ERICH5: variants seen among roughly 807,000 people sequenced by gnomAD.
The protein encoded by ERICH5 is glutamate rich 5.
ERICH5 carries 24 observed loss-of-function variants against 28.0 expected under a neutral mutation model. The observed-to-expected ratio is 0.86, with a 90% CI of 0.62 to 1.21. The LOEUF (loss-of-function observed/expected upper bound fraction) is 1.21, where lower values mean the gene tolerates loss of function less well. ERICH5 is among the 50% of genes most tolerant of loss of function. The pLI, the probability that ERICH5 is intolerant of heterozygous loss-of-function variation, is 0.00. For synonymous variants in ERICH5, 163 were observed against 157.6 expected (o/e 1.03, Z -0.25); for missense variants, 421 against 441.2 (o/e 0.95, Z 0.41).
In ERICH5 at chr8:98,090,013, G is replaced by C; in HGVS notation, c.996G>C (p.Glu332Asp). 6.2e-7 allele frequency: 1 copy of C among 1,609,932 alleles called. No homozygotes were observed. The highest frequency in any genetic ancestry group is 8.5e-7 in the Non-Finnish European group (1 of 1,177,744). The part of the protein sequence containing the change: ...EMIRNIHTNE[E>D]DQRIEGETGE... ...TCAGGAACATCCATACTAATGAAGAGGACCAACGCATTGAAGGTAAAAGTT... is the reference window on the plus strand; with the variant it reads ...TCAGGAACATCCATACTAATGAAGACGACCAACGCATTGAAGGTAAAAGTT... Residue 332 changes from glutamate to aspartate, a missense_variant, in exon 2 of 3, where the codon GAG (glutamate) becomes GAC (aspartate). Coordinates refer to ENST00000318528, the MANE Select transcript of ERICH5 (RefSeq NM_173549.3).
At chr8:98,069,391 T>A (rs867524884) in intron 1 of ERICH5, among the ~76,000 whole-genome samples, 2,316 of 151,454 alleles carry the variant, frequency 0.015, 61 homozygotes, top group African/African-American at 0.052. Flanking sequence ...GTTTTTTTTT[T>A]TATATATTCT....
intron 1 of ERICH5, among the ~76,000 whole-genome samples, chr8:98,071,669 A>C (rs1814921851): frequency 1.3e-5 from 2 of 151,538 alleles, no homozygotes; most frequent in African/African-American, 2.4e-5. Flanking sequence ...GCAAAGTGCC[A>C]GACTATAGCT....
chr8:98,073,916 T>C (rs1814999241), intron 1 of ERICH5, among the ~76,000 whole-genome samples: 1 of 32,096 alleles, frequency 3.1e-5, no homozygotes. Context: ...TTTTTCTCTC[T>C]TTTTCTTTTT....
chr8:98,091,006 C>T (rs1815373962), intron 2 of ERICH5, among the ~76,000 whole-genome samples: 1 of 152,006 alleles, frequency 6.6e-6, no homozygotes, highest in East Asian at 1.9e-4. Context: ...GAAGTGATCT[C>T]GGCTCACTGC....
At chr8:98,092,376 C>T (rs981772267) in intron 2 of ERICH5, among the ~76,000 whole-genome samples, 5 of 152,088 alleles carry the variant, frequency 3.3e-5, no homozygotes, top group African/African-American at 9.7e-5. Flanking sequence ...TTGGCCAGGC[C>T]GGTCTCAGAC....
intron 1 of ERICH5, among the ~76,000 whole-genome samples, chr8:98,071,204 G>A (rs188311936): frequency 3.9e-5 from 6 of 152,148 alleles, no homozygotes; most frequent in African/African-American, 1.4e-4. Context: ...TTGAACCTGG[G>A]AGGTGGAGGT....
rs11994440 is a variant in ERICH5, at chr8:98,089,877, A to G, written c.860A>G (p.His287Arg). 4.8e-3 allele frequency: 7,716 copies of G among 1,614,204 alleles called. 320 individuals are homozygous for G. In the African/African-American group the frequency reaches 0.091, roughly 19 times the overall value. ...VEKPVMNDPF[H>R]KTPEGPGNME... ...AAGCCTGTTATGAATGATCCATTCC[A>G]TAAAACTCCTGAAGGTCCAGGAAAC... The change falls in exon 2 of 3, where the codon CAT becomes CGT. Residue 287 changes from histidine (H) to arginine (R), a missense_variant. Coordinates refer to ENST00000318528, the MANE Select transcript of ERICH5 (RefSeq NM_173549.3).
chr8:98,065,469 G>C (rs1814803953), intron 1 of ERICH5, among the ~76,000 whole-genome samples: 1 of 152,188 alleles, frequency 6.6e-6, no homozygotes, highest in Admixed American at 6.6e-5. Context: ...AGGACATTTT[G>C]AGCATCTGCT....
chr8:98,092,955 T>C (rs948937534), intron 2 of ERICH5, among the ~76,000 whole-genome samples: 2 of 152,092 alleles, frequency 1.3e-5, no homozygotes, highest in East Asian at 3.9e-4. Context: ...TTTGTATTTT[T>C]AGTAGAGACG....
intron 1 of ERICH5, among the ~76,000 whole-genome samples, chr8:98,076,320 C>G (rs1450697234): frequency 6.6e-6 from 1 of 151,984 alleles, no homozygotes; most frequent in Admixed American, 6.6e-5. Flanking sequence ...TCCCAAAGTG[C>G]TGGGATTACA....
intron 1 of ERICH5, among the ~76,000 whole-genome samples, chr8:98,087,631 C>T (rs543321561): frequency 6.6e-6 from 1 of 150,590 alleles, no homozygotes; most frequent in South Asian, 2.1e-4. Flanking sequence ...CCCCTCCCTG[C>T]CTTTCTTTCA....
At chr8:98,069,000 C>T (rs1458553921) in intron 1 of ERICH5, among the ~76,000 whole-genome samples, 1 of 152,224 alleles carries the variant, frequency 6.6e-6, no homozygotes, top group Non-Finnish European at 1.5e-5. Context: ...ATATTTCACA[C>T]TCTGACATCT....
At chr8:98,081,698 C>T (rs899312365) in intron 1 of ERICH5, among the ~76,000 whole-genome samples, 3 of 152,136 alleles carry the variant, frequency 2.0e-5, no homozygotes, top group Non-Finnish European at 4.4e-5. Flanking sequence ...GAGGCCAAGG[C>T]GAGCAGATCA....
intron 2 of ERICH5, among the ~76,000 whole-genome samples, chr8:98,091,891 T>C (rs1403260512): frequency 1.7e-4 from 13 of 74,422 alleles, no homozygotes; most frequent in African/African-American, 6.0e-4. Flanking sequence ...TTTCTTTCTT[T>C]CTTTCTTTCC....
At chr8:98,085,440 G>T (rs1474045108) in intron 1 of ERICH5, among the ~76,000 whole-genome samples, 1 of 152,092 alleles carries the variant, frequency 6.6e-6, no homozygotes, top group Non-Finnish European at 1.5e-5. Context: ...TGGGATTACA[G>T]GCGTGAGCCA....
At chr8:98,083,317 T>C (rs1267332058) in intron 1 of ERICH5, among the ~76,000 whole-genome samples, 3 of 152,204 alleles carry the variant, frequency 2.0e-5, no homozygotes, top group Non-Finnish European at 2.9e-5. Context: ...CACCAGACCA[T>C]CATTTGTGTG....
At chr8:98,079,897 C>T (rs1316207710) in intron 1 of ERICH5, among the ~76,000 whole-genome samples, 1 of 152,206 alleles carries the variant, frequency 6.6e-6, no homozygotes, top group African/African-American at 2.4e-5. Context: ...AACAATACAA[C>T]TTTGTAGGTC....
intron 1 of ERICH5, among the ~76,000 whole-genome samples, chr8:98,073,388 C>A (rs1319428847): frequency 1.5e-5 from 2 of 132,584 alleles, no homozygotes; most frequent in Non-Finnish European, 3.2e-5. Flanking sequence ...ACCAGCCTAA[C>A]CAACATAGTG....
At chr8:98,073,436 ATATATATATATATATATATATATG>A (rs1563753386) in intron 1 of ERICH5, among the ~76,000 whole-genome samples, 227 of 21,562 alleles carry the variant, frequency 0.011, 30 homozygotes, top group Non-Finnish European at 0.012. Flanking sequence ...CTCTCTCTAT[ATATATATATATATATATATATATG>A]TATATATATA....
Sources: allele counts gnomAD v4.1 joint callset (sites outside exome capture counted in the v4.1 genomes callset), GRCh38; gene constraint gnomAD v4.1.1; transcripts MANE v1.5; gene names NCBI Gene and HGNC (gene_info 2026-07-23, HGNC 2026-07-21).